The following NCOA3 variants were observed in gnomAD, a reference collection of about 807,000 sequenced individuals.
The protein encoded by NCOA3 is CBP-interacting protein.
A neutral mutation model predicts 158.8 loss-of-function variants in NCOA3; 51 were observed. That is an observed-to-expected ratio of 0.32 (90% CI 0.26 to 0.41). The LOEUF is 0.41. Among genes scored for constraint, NCOA3 ranks in the 10% least tolerant of loss-of-function variants. NCOA3 has a pLI of 1.00. For synonymous variants in NCOA3, 537 were observed against 592.4 expected (o/e 0.91, Z 1.36); for missense variants, 1,510 against 1,746.6 (o/e 0.86, Z 2.41).
chr20:47,558,371 C>T (rs552076108), intron 1 of NCOA3, among the ~76,000 whole-genome samples: 2 of 151,268 alleles, frequency 1.3e-5, no homozygotes, highest in South Asian at 2.1e-4. Context: ...CGTGAGCCAC[C>T]GCGCCGGCCT....
intron 2 of NCOA3, among the ~76,000 whole-genome samples, chr20:47,586,013 AG>A (rs1044869184): frequency 6.8e-6 from 1 of 147,896 alleles, no homozygotes; most frequent in Non-Finnish European, 1.5e-5. Flanking sequence ...CTCCACTTCC[AG>A]GGTCAAGTGA....
At chr20:47,609,704 G>A (rs1279713722) in intron 2 of NCOA3, among the ~76,000 whole-genome samples, 4 of 151,426 alleles carry the variant, frequency 2.6e-5, no homozygotes, top group Non-Finnish European at 5.9e-5. Flanking sequence ...ACTCCAGCCC[G>A]GGTGACAGGG....
chr20:47,585,713 C>T (rs1602440946), intron 2 of NCOA3, among the ~76,000 whole-genome samples: 1 of 152,106 alleles, frequency 6.6e-6, no homozygotes, highest in South Asian at 2.1e-4. Flanking sequence ...TACTTTTAGC[C>T]AAGCTTATGT....
chr20:47,570,421 C>T (rs928906984), intron 1 of NCOA3, among the ~76,000 whole-genome samples: 2 of 152,206 alleles, frequency 1.3e-5, no homozygotes, highest in Non-Finnish European at 2.9e-5. Flanking sequence ...GCCTAGGTAA[C>T]AGAGTAAGAC....
At position 47,600,466 on chromosome 20, in the gene NCOA3, G is replaced by A. The variant is rs1031156884; in HGVS notation, c.-20+17205G>A. 2.4e-4 allele frequency among the ~76,000 whole-genome samples: 36 copies of A among 151,600 alleles called. 1 individual carries two copies. The highest frequency in any genetic ancestry group is 1.5e-4 in the Non-Finnish European group (10 of 67,936). ...GGTGGGATTTCAGGCGTGAGCCACC[G>A]CGCATGGCCGCATTTATAATTTTAA... is the stretch of plus-strand genomic sequence containing the variant. On this transcript the variant is annotated intron_variant, in intron 2 of 22. Coordinates refer to ENST00000371998, the MANE Select transcript of NCOA3 (RefSeq NM_181659.3).
chr20:47,505,064 C>CTT (rs566873992), intron 1 of NCOA3, among the ~76,000 whole-genome samples: 461 of 27,082 alleles, frequency 0.017, 21 homozygotes, highest in African/African-American at 0.051. Flanking sequence ...TCTTTTCTTT[C>CTT]TTTTTTTTTT....
rs1473209233 is a variant in NCOA3 at position 47,609,444 on chromosome 20, C to CTAGA, written c.-19-12784_-19-12781dup. ...AATGAGGTGCCCCCAGCTTCATTTA[C>CTAGA]TAGACATGGATAGGCAGGTTTTGTG... is the stretch of plus-strand genomic sequence containing the variant. On this transcript the variant is annotated intron_variant, in intron 2 of 22. Transcript: ENST00000371998. Among the ~76,000 whole-genome samples, 3 of 152,290 alleles carry CTAGA rather than the reference C, an allele frequency of 2.0e-5. No individual in the cohort carries two copies. The Middle Eastern group carries it at 0.01, about 518-fold the overall frequency.
At chr20:47,619,487 AT>A (rs60975230) in intron 2 of NCOA3, among the ~76,000 whole-genome samples, 5,320 of 151,900 alleles carry the variant, frequency 0.035, 247 homozygotes, top group African/African-American at 0.11. Context: ...TCTCCAAAAA[AT>A]ACAAAAATTA....
In NCOA3 at chr20:47,627,606, A is replaced by G. The variant is rs770501470; in HGVS notation, c.578A>G (p.His193Arg). ...WTNETQRQKS[H>R]TFNCRMLMKT... ...AATGAGACCCAAAGACAAAAAAGCC[A>G]TACATTTAATTGCCGTATGTTGATG... The change falls in exon 7 of 23, where the codon CAT (histidine) becomes CGT (arginine). Residue 193 changes from histidine (H) to arginine (R), a missense_variant. Physicochemically the swap from His to Arg is conservative, Grantham distance 29 (BLOSUM62 0). Around this residue, in one of 4 missense-constraint regions of NCOA3, gnomAD observed 309 missense variants for 427.1 expected, o/e 0.72. Coordinates refer to ENST00000371998, the MANE Select transcript of NCOA3 (RefSeq NM_181659.3). The G allele has an allele frequency of 4.3e-6, 7 of 1,613,634 alleles. No individual in the cohort carries two copies. Among genetic ancestry groups the G allele is most frequent in the Admixed American group, 3.3e-5 (2 of 59,904 alleles).
intron 3 of NCOA3, among the ~76,000 whole-genome samples, chr20:47,623,517 G>A (rs563334894): frequency 1.1e-4 from 17 of 152,310 alleles, no homozygotes; most frequent in African/African-American, 3.8e-4. Flanking sequence ...GCCGGGTGTG[G>A]TGGCTCATGC....
intron 2 of NCOA3, among the ~76,000 whole-genome samples, chr20:47,606,135 C>G (rs1418955198): frequency 2.0e-5 from 3 of 152,192 alleles, no homozygotes; most frequent in African/African-American, 7.2e-5. Flanking sequence ...TGAGCCACTG[C>G]TCCTGGCCCT....
intron 4 of NCOA3, 44 bp downstream of exon 4, chr20:47,624,127 A>G: frequency 5.2e-6 from 8 of 1,535,468 alleles, no homozygotes; most frequent in Non-Finnish European, 7.0e-6. Context: ...GTGGTTCCCA[A>G]CCTTTTTGGC....
At chr20:47,614,980 G>A (rs2086108922) in intron 2 of NCOA3, among the ~76,000 whole-genome samples, 1 of 152,116 alleles carries the variant, frequency 6.6e-6, no homozygotes, top group Non-Finnish European at 1.5e-5. Flanking sequence ...TAGTACAAAT[G>A]GCTTGTTTTG....
chr20:47,515,399 C>A (rs927984230), intron 1 of NCOA3, among the ~76,000 whole-genome samples: 2 of 151,322 alleles, frequency 1.3e-5, no homozygotes, highest in Admixed American at 6.6e-5. Context: ...TGATCCACCC[C>A]CCTCGGCCTC....
chr20:47,557,290 G>C (rs1265445702), intron 1 of NCOA3, among the ~76,000 whole-genome samples: 4 of 152,166 alleles, frequency 2.6e-5, no homozygotes, highest in African/African-American at 9.7e-5. Context: ...TTGGGATGAT[G>C]ATCTTATAGC....
intron 2 of NCOA3, among the ~76,000 whole-genome samples, chr20:47,589,736 A>G (rs774688655): frequency 6.6e-6 from 1 of 152,092 alleles, no homozygotes; most frequent in Non-Finnish European, 1.5e-5. Context: ...AAACAAATAC[A>G]ATACCCTCTC....
rs1285967584 is a variant in NCOA3 at position 47,635,604 on chromosome 20, C to T, written c.1395C>T (p.Ser465=). 1.2e-6 allele frequency: 2 copies of T among 1,614,014 alleles called. No homozygotes were observed. The highest frequency in any genetic ancestry group is 2.7e-5 in the African/African-American group (2 of 74,898). Residue 465 remains serine, a synonymous_variant, in exon 11 of 23, where the codon AGC becomes AGT. Transcript: ENST00000371998. ...QNNNYGLNMS[S]PPHGSPGLAP... Reference sequence around the variant, plus strand: ...ACAACTATGGGCTCAACATGAGTAGCCCCCCACATGGGAGTCCTGGTCTTG... The same window carrying T: ...ACAACTATGGGCTCAACATGAGTAGTCCCCCACATGGGAGTCCTGGTCTTG...
chr20:47,525,171 A>C (rs1249568275), intron 1 of NCOA3, among the ~76,000 whole-genome samples: 6 of 150,834 alleles, frequency 4.0e-5, no homozygotes, highest in African/African-American at 1.5e-4. Context: ...TCTGTTTAAC[A>C]AAGCACATCT....
chr20:47,639,821 G>T lies in NCOA3; in HGVS notation c.2952G>T (p.Met984Ile), dbSNP rs758347012. ...VLQQQQQMLQ[M>I]RPGEIPMGMG... The stretch of plus-strand genomic sequence containing the variant: ...AACAGCAGCAGCAGATGCTTCAAAT[G>T]AGTAAGTGTCCACCCTCCCCTCTTC... The change falls in exon 15 of 23, where the codon ATG (methionine) becomes ATT (isoleucine). Residue 984 changes from methionine to isoleucine, a missense_variant and splice_region_variant. Around this residue, in one of 4 missense-constraint regions of NCOA3, gnomAD observed 1,017 missense variants for 1,098.3 expected, o/e 0.93. Transcript: ENST00000371998. 6.2e-7 allele frequency: 1 copy of T among 1,613,870 alleles called. No homozygotes were observed. Among genetic ancestry groups the T allele is most frequent in the Non-Finnish European group, 8.5e-7 (1 of 1,179,752 alleles).
Sources: allele counts gnomAD v4.1 joint callset (sites outside exome capture counted in the v4.1 genomes callset), GRCh38; gene constraint gnomAD v4.1.1; regional missense constraint gnomAD v4.1.1; transcripts MANE v1.5; gene names NCBI Gene and HGNC (gene_info 2026-07-23, HGNC 2026-07-21).